The following ALK variants were observed in gnomAD, a reference collection of about 807,000 sequenced individuals.
ALK encodes the protein ALK receptor tyrosine kinase.
In ALK, 74 loss-of-function variants were observed where a neutral mutation model predicts 163.1. The ratio of observed to expected loss-of-function variants is 0.45; its 90% CI spans 0.38 to 0.55. The LOEUF (loss-of-function observed/expected upper bound fraction) is 0.55, where lower values mean the gene tolerates loss of function less well. Ranked by LOEUF, ALK falls within the 20% of genes least tolerant of loss-of-function variation. The pLI, the probability that ALK is intolerant of heterozygous loss-of-function variation, is 0.00. For missense variants in ALK, 2,063 were observed against 2,105.3 expected, an observed-to-expected ratio of 0.98 and a Z score of 0.39; for synonymous variants, 960 against 843.2, an observed-to-expected ratio of 1.14 and a Z score of -2.40.
At position 29,717,562 on chromosome 2, in the gene ALK, T is replaced by C; in HGVS notation, c.787+16A>G. The C allele has an allele frequency of 6.2e-7, 1 of 1,613,834 alleles. No individual in the cohort carries two copies. Among genetic ancestry groups the C allele is most frequent in the Non-Finnish European group, 8.5e-7 (1 of 1,179,766 alleles). ...AGTGACAGTGTATCTCAAGTAAATA[T>C]TAAACATATACTTACCATATCGGCT... On this transcript the variant is annotated intron_variant, in intron 2 of 28. Coordinates refer to ENST00000389048, the MANE Select transcript of ALK (RefSeq NM_004304.5).
At chr2:29,407,855 C>G in intron 4 of ALK, among the ~76,000 whole-genome samples, 1 of 152,206 alleles carries the variant, frequency 6.6e-6, no homozygotes, top group East Asian at 1.9e-4. Context: ...TGGTAGACTC[C>G]TCCACCTTTT....
intron 1 of ALK, among the ~76,000 whole-genome samples, chr2:29,790,262 G>T (rs1040990971): frequency 1.3e-5 from 2 of 152,098 alleles, no homozygotes; most frequent in African/African-American, 4.8e-5. Flanking sequence ...ATGGAGGGTG[G>T]CGGAGTGGAA....
chr2:29,694,058 T>C (rs1678481622), intron 3 of ALK, among the ~76,000 whole-genome samples: 1 of 152,232 alleles, frequency 6.6e-6, no homozygotes, highest in Admixed American at 6.5e-5. Flanking sequence ...CAATTCTGAG[T>C]TAGTAGAGTT....
At chr2:29,670,433 T>A (rs1309728362) in intron 3 of ALK, among the ~76,000 whole-genome samples, 1 of 152,088 alleles carries the variant, frequency 6.6e-6, no homozygotes, top group Non-Finnish European at 1.5e-5. Flanking sequence ...TTTTTCTTGA[T>A]GACTGCAGCA....
intron 4 of ALK, among the ~76,000 whole-genome samples, chr2:29,426,776 A>T (rs1371680814): frequency 1.3e-5 from 2 of 152,158 alleles, no homozygotes. Context: ...ACGGTGGCTC[A>T]CGCCTGTAAT....
chr2:29,651,331 C>G (rs1343594768), intron 3 of ALK, among the ~76,000 whole-genome samples: 1 of 152,104 alleles, frequency 6.6e-6, no homozygotes, highest in African/African-American at 2.4e-5. Flanking sequence ...AGTAAGAGAA[C>G]CATAAATTAT....
intron 5 of ALK, among the ~76,000 whole-genome samples, chr2:29,334,707 T>C (rs1290350597): frequency 1.3e-5 from 2 of 152,130 alleles, no homozygotes; most frequent in Non-Finnish European, 2.9e-5. Context: ...TGCTACCAAC[T>C]CCGCCCAGTC....
chr2:29,815,071 C>A (rs559344328), intron 1 of ALK, among the ~76,000 whole-genome samples: 1 of 148,826 alleles, frequency 6.7e-6, no homozygotes, highest in South Asian at 2.2e-4. Context: ...AGTGGAAAAT[C>A]ATAGAAATCT....
chr2:29,452,749 GT>G (rs1241624334), intron 4 of ALK, among the ~76,000 whole-genome samples: 1 of 152,154 alleles, frequency 6.6e-6, no homozygotes. Context: ...AACATCACCA[GT>G]TACAAGACAT....
chr2:29,755,772 G>A (rs1256540898), intron 1 of ALK, among the ~76,000 whole-genome samples: 1 of 152,142 alleles, frequency 6.6e-6, no homozygotes, highest in East Asian at 1.9e-4. Flanking sequence ...CTGACTCAAG[G>A]CTGTGCTGTT....
intron 5 of ALK, among the ~76,000 whole-genome samples, chr2:29,339,678 T>G (rs186783936): frequency 1.9e-4 from 29 of 152,246 alleles, no homozygotes; most frequent in African/African-American, 7.0e-4. Context: ...GCAGCTTGAA[T>G]GAGGCTGGTG....
intron 1 of ALK, among the ~76,000 whole-genome samples, chr2:29,744,966 T>C (rs1412798198): frequency 6.6e-6 from 1 of 152,146 alleles, no homozygotes; most frequent in South Asian, 2.1e-4. Flanking sequence ...TATTTTTGAA[T>C]GGAAGGGGTG....
chr2:29,712,256 T>C (rs535613476), intron 2 of ALK, among the ~76,000 whole-genome samples: 36 of 152,342 alleles, frequency 2.4e-4, no homozygotes, highest in Non-Finnish European at 4.9e-4. Flanking sequence ...TTGTGGTGAA[T>C]GCATGCAGAG....
intron 9 of ALK, among the ~76,000 whole-genome samples, chr2:29,282,768 A>C (rs932696774): frequency 2.6e-5 from 4 of 152,154 alleles, no homozygotes; most frequent in African/African-American, 9.7e-5. Flanking sequence ...CAGGCTGAGC[A>C]AGCATGGAGA....
chr2:29,569,714 C>G (rs1437081920), intron 3 of ALK, among the ~76,000 whole-genome samples: 1 of 152,206 alleles, frequency 6.6e-6, no homozygotes, highest in East Asian at 1.9e-4. Context: ...CCACCATCAA[C>G]TGACTAACAT....
At chr2:29,620,796 C>A (rs1025578874) in intron 3 of ALK, among the ~76,000 whole-genome samples, 2 of 152,182 alleles carry the variant, frequency 1.3e-5, no homozygotes, top group African/African-American at 4.8e-5. Context: ...GAAATAATAA[C>A]CCCGCGCCTC....
intron 3 of ALK, among the ~76,000 whole-genome samples, chr2:29,626,294 C>A (rs568750438): frequency 1.3e-5 from 2 of 152,246 alleles, no homozygotes; most frequent in African/African-American, 4.8e-5. Context: ...AAGGGTGGGG[C>A]CAGGTGGAGA....
chr2:29,634,000 C>T (rs1240777282), intron 3 of ALK, among the ~76,000 whole-genome samples: 1 of 152,042 alleles, frequency 6.6e-6, no homozygotes, highest in Non-Finnish European at 1.5e-5. Context: ...GAATTAATAC[C>T]AATTATATAC....
At chr2:29,744,412 A>G (rs778597716) in intron 1 of ALK, among the ~76,000 whole-genome samples, 1 of 152,132 alleles carries the variant, frequency 6.6e-6, no homozygotes, top group Non-Finnish European at 1.5e-5. Context: ...AAACAATGAC[A>G]GCATTTATTT....
Sources: gnomAD v4.1 joint callset for allele counts (sites outside exome capture counted in the v4.1 genomes callset) on GRCh38, gnomAD v4.1.1 for gene constraint, MANE v1.5 for transcripts, NCBI Gene and HGNC (gene_info 2026-07-23, HGNC 2026-07-21) for gene names.